The following TNRC6B variants were observed in gnomAD, a reference collection of about 807,000 sequenced individuals.
TNRC6B encodes trinucleotide repeat-containing gene 6B protein.
A neutral mutation model predicts 203.6 loss-of-function variants in TNRC6B; 52 were observed. That is an observed-to-expected ratio of 0.26 (90% CI 0.20 to 0.32). TNRC6B has a LOEUF of 0.32. Among genes scored for constraint, TNRC6B ranks in the 10% least tolerant of loss-of-function variants. TNRC6B has a pLI of 1.00. For missense variants in TNRC6B, 1,923 were observed against 2,286.2 expected, an observed-to-expected ratio of 0.84 and a Z score of 3.24; for synonymous variants, 838 against 845.7, an observed-to-expected ratio of 0.99 and a Z score of 0.16.
At chr22:40,281,356 A>T in intron 11 of TNRC6B, 67 bp downstream of exon 11, 1 of 1,310,692 alleles carries the variant, frequency 7.6e-7, no homozygotes, top group Non-Finnish European at 1.0e-6. Context: ...TCTGCAGTTT[A>T]TTGCATCATT....
Position 40,335,663 on chromosome 22 carries a change from T to C in TNRC6B, c.*12422T>C, listed in dbSNP as rs951606715. The C allele has an allele frequency of 2.6e-5, 4 of 151,794 alleles. No homozygotes were observed. Among genetic ancestry groups the C allele is most frequent in the African/African-American group, 4.8e-5 (2 of 41,334 alleles). The allele number at this position is 151,794 out of a possible 1,614,324, so 9.4% of individuals were successfully genotyped here. A position where few individuals can be genotyped will look rare whatever the true frequency, so the allele number is the denominator to read the frequency against. ...GCTTTTAAACAGCTTATTTTTGTTT[T>C]TGTTTAGTTTTTTTATTTTATTTTA... On this transcript the variant is annotated 3_prime_UTR_variant, in exon 23 of 23. Transcript: ENST00000454349.
intron 2 of TNRC6B, among the ~76,000 whole-genome samples, chr22:40,117,414 C>T (rs1028488435): frequency 1.7e-4 from 26 of 152,108 alleles, no homozygotes; most frequent in Non-Finnish European, 3.7e-4. Flanking sequence ...GCGTCTCTGT[C>T]TCTCACCTTT....
At chr22:40,143,718 G>T (rs566745583) in intron 3 of TNRC6B, among the ~76,000 whole-genome samples, 4 of 152,222 alleles carry the variant, frequency 2.6e-5, no homozygotes, top group East Asian at 1.9e-4. Flanking sequence ...GGATGGTCTC[G>T]ATCTCCTGAC....
intron 4 of TNRC6B, among the ~76,000 whole-genome samples, chr22:40,160,574 A>ATTGG (rs2068863617): frequency 6.6e-6 from 1 of 151,332 alleles, no homozygotes; most frequent in South Asian, 2.1e-4. Context: ...CTTTATTTTT[A>ATTGG]TTGGTTGATT....
intron 1 of TNRC6B, among the ~76,000 whole-genome samples, chr22:40,211,233 G>A (rs757444636): frequency 6.6e-6 from 1 of 151,934 alleles, no homozygotes; most frequent in Non-Finnish European, 1.5e-5. Context: ...GGTGTGTGCC[G>A]CCACGCCAGC....
At chr22:40,203,085 C>T (rs2069435054) in intron 1 of TNRC6B, among the ~76,000 whole-genome samples, 1 of 152,068 alleles carries the variant, frequency 6.6e-6, no homozygotes. Flanking sequence ...AAATGCTGGC[C>T]ACTGATCATC....
chr22:40,055,484 C>T (rs1051588589), intron 1 of TNRC6B, among the ~76,000 whole-genome samples: 2 of 152,166 alleles, frequency 1.3e-5, no homozygotes, highest in African/African-American at 2.4e-5. Flanking sequence ...TAATAGCTGA[C>T]TTACAGTTGA....
chr22:40,057,629 A>AT (rs1255173223), intron 1 of TNRC6B, among the ~76,000 whole-genome samples: 3 of 152,238 alleles, frequency 2.0e-5, no homozygotes, highest in African/African-American at 4.8e-5. Flanking sequence ...TATTTAAAAA[A>AT]ATATATATAC....
At chr22:40,139,453 T>A (rs2068627630) in intron 3 of TNRC6B, among the ~76,000 whole-genome samples, 1 of 150,738 alleles carries the variant, frequency 6.6e-6, no homozygotes, top group Non-Finnish European at 1.5e-5. Flanking sequence ...TGCCTCACCC[T>A]CCTGAGTAGC....
chr22:40,129,807 G>A (rs2068525447), intron 3 of TNRC6B, among the ~76,000 whole-genome samples: 2 of 152,206 alleles, frequency 1.3e-5, no homozygotes, highest in South Asian at 2.1e-4. Flanking sequence ...ATACATGGAA[G>A]TATAGATGAA....
At position 40,067,244 on chromosome 22, in the gene TNRC6B, C is replaced by T. The variant is rs190599350; in HGVS notation, c.-121+22246C>T. On this transcript the variant is annotated intron_variant, in intron 1 of 23. Transcript: ENST00000301923. ...GTAAAATTGATTTTTGTTACCTGTA[C>T]AGTTTATAATGCCTTCGTAAGTTTA... Among the ~76,000 whole-genome samples the T allele has an allele frequency of 9.5e-4, 145 of 152,166 alleles. 2 individuals carry two copies. Among genetic ancestry groups the T allele is most frequent in the South Asian group, 2.3e-3 (11 of 4,830 alleles).
intron 1 of TNRC6B, among the ~76,000 whole-genome samples, chr22:40,048,033 A>G (rs2067707168): frequency 6.6e-6 from 1 of 152,200 alleles, no homozygotes; most frequent in Non-Finnish European, 1.5e-5. Context: ...AAATACTTAA[A>G]TGGAGCAACT....
chr22:40,300,391 A>G, intron 12 of TNRC6B, 64 bp from the exon 13 acceptor site: 2 of 1,418,326 alleles, frequency 1.4e-6, no homozygotes, highest in Non-Finnish European at 1.9e-6. Context: ...ACAGAAAAAC[A>G]GTTTTATTTT....
intron 1 of TNRC6B, 65 bp from the exon 2 acceptor site, chr22:40,245,950 A>G (rs200432798): frequency 1.7e-4 from 226 of 1,321,674 alleles, no homozygotes; most frequent in African/African-American, 8.4e-4. Context: ...CAAGCATTCA[A>G]TTTGCTGCGG....
intron 1 of TNRC6B, among the ~76,000 whole-genome samples, chr22:40,079,651 CT>C (rs1205519684): frequency 2.0e-5 from 3 of 151,800 alleles, no homozygotes; most frequent in African/African-American, 7.3e-5. Flanking sequence ...CAGGGTCTTG[CT>C]CTGTCATCCA....
intron 1 of TNRC6B, among the ~76,000 whole-genome samples, chr22:40,080,532 GT>G (rs2068055929): frequency 1.3e-5 from 2 of 152,110 alleles, no homozygotes; most frequent in Non-Finnish European, 2.9e-5. Flanking sequence ...ATAAGATACA[GT>G]GACATTGAAG....
intron 1 of TNRC6B, among the ~76,000 whole-genome samples, chr22:40,100,472 A>T (rs1030493245): frequency 3.9e-5 from 6 of 151,944 alleles, no homozygotes; most frequent in African/African-American, 1.5e-4. Flanking sequence ...TCGAACTCCT[A>T]GGCTCAAGTG....
rs750566165 is a variant in TNRC6B at position 40,324,822 on chromosome 22, C to A, written c.*1581C>A. ...TTTTTGATTTTTGACCTCTTCCCCC[C>A]ACCTTGTAATTTTGCTTTTTTAATT... On this transcript the variant is annotated 3_prime_UTR_variant, in exon 23 of 23. Coordinates refer to ENST00000454349, the MANE Select transcript of TNRC6B (RefSeq NM_001162501.2). 6 of 151,572 alleles carry A rather than the reference C, an allele frequency of 4.0e-5. No homozygotes were observed. The highest frequency in any genetic ancestry group is 8.8e-5 in the Non-Finnish European group (6 of 67,880). The allele number at this position is 151,572 out of a possible 1,614,324, so 9.4% of individuals were successfully genotyped here.
chr22:40,219,231 CACTT>C (rs2069675914), intron 1 of TNRC6B, among the ~76,000 whole-genome samples: 1 of 152,166 alleles, frequency 6.6e-6, no homozygotes, highest in Non-Finnish European at 1.5e-5. Flanking sequence ...GGACCAATAG[CACTT>C]AGTACATGGG....
Sources: allele counts gnomAD v4.1 joint callset (sites outside exome capture counted in the v4.1 genomes callset), GRCh38; gene constraint gnomAD v4.1.1; transcripts MANE v1.5; gene names NCBI Gene and HGNC (gene_info 2026-07-23, HGNC 2026-07-21).